The following ZCCHC7 variants were observed in gnomAD, a reference collection of about 807,000 sequenced individuals.
The protein encoded by ZCCHC7 is zinc finger CCHC-type containing 7.
Under a neutral mutation model 52.0 loss-of-function variants are expected in ZCCHC7, and 35 were observed. The ratio of observed to expected loss-of-function variants is 0.67; its 90% CI spans 0.51 to 0.89. ZCCHC7 has a LOEUF of 0.89. Among genes scored for constraint, ZCCHC7 ranks in the 40% least tolerant of loss-of-function variants. The pLI is 0.00. For synonymous variants in ZCCHC7, 217 were observed against 221.5 expected (o/e 0.98, Z 0.18); for missense variants, 574 against 649.1 (o/e 0.88, Z 1.26).
At position 37,302,231 on chromosome 9, in the gene ZCCHC7, G is replaced by A; in HGVS notation, c.654G>A (p.Glu218=). The A allele has an allele frequency of 6.2e-7, 1 of 1,601,286 alleles. No homozygotes were observed. The highest frequency in any genetic ancestry group is 8.5e-7 in the Non-Finnish European group (1 of 1,171,430). The change falls in exon 3 of 9, where the codon GAG becomes GAA. Residue 218 remains glutamate (E), a splice_region_variant and synonymous_variant. Transcript: ENST00000336755. ...INWSISDKDI[E]AQIANNRTPG... ...GGTCCATCAGTGACAAAGACATTGA[G>A]GTAAAATCAAATTGTTTTTAAAATT...
At chr9:37,136,664 C>T (rs940141991) in intron 2 of ZCCHC7, among the ~76,000 whole-genome samples, 4 of 152,124 alleles carry the variant, frequency 2.6e-5, no homozygotes, top group African/African-American at 7.2e-5. Context: ...CCATTTTGCC[C>T]ATGTTCACCA....
intron 2 of ZCCHC7, among the ~76,000 whole-genome samples, chr9:37,290,705 G>A (rs1348075029): frequency 5.3e-5 from 8 of 152,122 alleles, no homozygotes; most frequent in East Asian, 3.9e-4. Context: ...TTTCTTAAAC[G>A]TCTTCCAAAG....
chr9:37,260,701 A>T (rs187231496), intron 2 of ZCCHC7, among the ~76,000 whole-genome samples: 2 of 152,202 alleles, frequency 1.3e-5, no homozygotes, highest in Non-Finnish European at 2.9e-5. Context: ...GGGCAGAGAC[A>T]TGGTAGTTTT....
intron 2 of ZCCHC7, among the ~76,000 whole-genome samples, chr9:37,253,083 A>T (rs1465591227): frequency 1.3e-5 from 2 of 152,128 alleles, no homozygotes; most frequent in Non-Finnish European, 2.9e-5. Flanking sequence ...TGTCACAAAA[A>T]GTTAATGAAT....
intron 2 of ZCCHC7, among the ~76,000 whole-genome samples, chr9:37,135,238 A>G (rs2058838797): frequency 6.6e-6 from 1 of 152,224 alleles, no homozygotes; most frequent in Admixed American, 6.5e-5. Flanking sequence ...AAGTGAATGA[A>G]TAGTAATTTA....
intron 6 of ZCCHC7, among the ~76,000 whole-genome samples, chr9:37,346,787 G>A (rs1821001813): frequency 6.6e-6 from 1 of 152,154 alleles, no homozygotes; most frequent in East Asian, 1.9e-4. Context: ...ACCAGTCTGG[G>A]CAACATAGTG....
At chr9:37,191,308 T>C (rs1823010947) in intron 2 of ZCCHC7, among the ~76,000 whole-genome samples, 3 of 152,198 alleles carry the variant, frequency 2.0e-5, no homozygotes, top group African/African-American at 7.2e-5. Context: ...TTGTTGTACT[T>C]ATTTGAAGTG....
chr9:37,221,169 A>AG (rs1824791390), intron 2 of ZCCHC7, among the ~76,000 whole-genome samples: 1 of 152,224 alleles, frequency 6.6e-6, no homozygotes, highest in African/African-American at 2.4e-5. Context: ...CTAAGCCTTA[A>AG]GAAGCTGTTA....
intron 2 of ZCCHC7, among the ~76,000 whole-genome samples, chr9:37,214,980 G>A (rs1423857239): frequency 6.6e-6 from 1 of 151,988 alleles, no homozygotes; most frequent in East Asian, 1.9e-4. Flanking sequence ...GTAGATTAAA[G>A]CTCACCCTAT....
Position 37,327,703 on chromosome 9 carries a change from T to C in ZCCHC7, c.952-96T>C, listed in dbSNP as rs192986402. 927 of 1,331,960 alleles carry C rather than the reference T, an allele frequency of 7.0e-4. 8 individuals carry two copies. In the African/African-American group the frequency reaches 0.012, roughly 18 times the overall value. 82.5% of individuals were successfully genotyped at this position (1,331,960 alleles called of 1,614,324 possible). A position where few individuals can be genotyped will look rare whatever the true frequency, so the allele number is the denominator to read the frequency against. ...TTCTGTTAAGCTTCTTATTTTCCTG[T>C]GACCGACACCGGTGGATGCTGGGTT... On this transcript the variant is annotated intron_variant, in intron 5 of 8. Transcript: ENST00000336755.
intron 2 of ZCCHC7, among the ~76,000 whole-genome samples, chr9:37,272,596 G>A: frequency 6.7e-6 from 1 of 149,652 alleles, no homozygotes; most frequent in East Asian, 2.0e-4. Context: ...TCATATATAT[G>A]TGAATATTCA....
At chr9:37,341,963 G>C (rs1478722313) in intron 6 of ZCCHC7, among the ~76,000 whole-genome samples, 1 of 152,126 alleles carries the variant, frequency 6.6e-6, no homozygotes, top group Non-Finnish European at 1.5e-5. Context: ...TAAAGTTTTT[G>C]GCTTTTTCTC....
chr9:37,137,766 A>G (rs1489205791), intron 2 of ZCCHC7, among the ~76,000 whole-genome samples: 2 of 152,186 alleles, frequency 1.3e-5, no homozygotes, highest in Non-Finnish European at 2.9e-5. Context: ...TAACATAGGA[A>G]AGGATCATTA....
At chr9:37,222,129 C>A (rs529057455) in intron 2 of ZCCHC7, among the ~76,000 whole-genome samples, 1 of 151,378 alleles carries the variant, frequency 6.6e-6, no homozygotes, top group Admixed American at 6.6e-5. Flanking sequence ...ACAAAATAAT[C>A]GATAACCTTG....
chr9:37,239,570 T>G (rs1241145650), intron 2 of ZCCHC7, among the ~76,000 whole-genome samples: 1 of 152,138 alleles, frequency 6.6e-6, no homozygotes, highest in Non-Finnish European at 1.5e-5. Flanking sequence ...ACAGCAGGTA[T>G]ATCTCAGCTC....
At chr9:37,124,660 A>C (rs1299458470) in intron 1 of ZCCHC7, among the ~76,000 whole-genome samples, 1 of 152,198 alleles carries the variant, frequency 6.6e-6, no homozygotes, top group African/African-American at 2.4e-5. Flanking sequence ...CTCTTAATTT[A>C]GCCTGGTTGC....
chr9:37,246,499 G>A (rs539493158), intron 2 of ZCCHC7, among the ~76,000 whole-genome samples: 4 of 152,204 alleles, frequency 2.6e-5, no homozygotes, highest in Admixed American at 1.3e-4. Flanking sequence ...TACTATACCA[G>A]TATAGGATAT....
rs73646333 is a variant in ZCCHC7 at position 37,190,613 on chromosome 9, A to T, written c.610+63671A>T. On this transcript the variant is annotated intron_variant, in intron 2 of 8. Coordinates refer to ENST00000336755, the MANE Select transcript of ZCCHC7 (RefSeq NM_032226.3). ...TTATTCCATCTTACTTGGAATTGGAACTCCTGGTATATTTGGAAATCAACA... is the reference window on the plus strand; with the variant it reads ...TTATTCCATCTTACTTGGAATTGGATCTCCTGGTATATTTGGAAATCAACA... Among the ~76,000 whole-genome samples, 376 of 152,312 alleles carry T rather than the reference A, an allele frequency of 2.5e-3. 2 individuals carry two copies. The highest frequency in any genetic ancestry group is 8.7e-3 in the African/African-American group (362 of 41,574).
At chr9:37,298,795 C>T (rs550502768) in intron 2 of ZCCHC7, among the ~76,000 whole-genome samples, 2 of 152,302 alleles carry the variant, frequency 1.3e-5, no homozygotes, top group South Asian at 2.1e-4. Flanking sequence ...GTTTCCTTTA[C>T]GGCCCTGCCT....
Sources: gnomAD v4.1 joint callset for allele counts (sites outside exome capture counted in the v4.1 genomes callset) on GRCh38, gnomAD v4.1.1 for gene constraint, MANE v1.5 for transcripts, NCBI Gene and HGNC (gene_info 2026-07-23, HGNC 2026-07-21) for gene names.